Variants in VPS13A observed in about 807,000 individuals in gnomAD.
VPS13A encodes vacuolar protein sorting 13 homolog A, also known as intermembrane lipid transfer protein VPS13A.
A neutral mutation model predicts 390.9 loss-of-function variants in VPS13A; 264 were observed. The ratio of observed to expected loss-of-function variants is 0.68; its 90% CI spans 0.61 to 0.75. VPS13A has a LOEUF of 0.75. Among genes scored for constraint, VPS13A ranks in the 30% least tolerant of loss-of-function variants. The pLI, the probability that VPS13A is intolerant of heterozygous loss-of-function variation, is 0.00. For synonymous variants in VPS13A, 1,231 were observed against 1,227.1 expected, an observed-to-expected ratio of 1.00 and a Z score of -0.07; for missense variants, 3,409 against 3,733.9, an observed-to-expected ratio of 0.91 and a Z score of 2.27.
chr9:77,260,207 CCT>C lies in VPS13A; in HGVS notation c.2411_2412del (p.Pro804ArgfsTer32). ...KPEPVTEVSA[P>X]VKSFQIQTST... ...TGAACCAGTAACTGAAGTATCTGCC[CCT>C]GTCAAATCATTCCAGGTAATGTTAC... On this transcript the variant is annotated frameshift_variant, in exon 23 of 72. Coordinates refer to ENST00000360280, the MANE Select transcript of VPS13A (RefSeq NM_033305.3). LOFTEE classifies it high-confidence loss of function. 7 of 1,613,200 alleles carry C rather than the reference CCT, an allele frequency of 4.3e-6. No homozygotes were observed. The highest frequency in any genetic ancestry group is 1.3e-5 in the African/African-American group (1 of 74,942).
At position 77,317,556 on chromosome 9, in the gene VPS13A, TA is replaced by T. The variant is rs763275666; in HGVS notation, c.4864-49del. The stretch of plus-strand genomic sequence containing the variant: ...TACTAGGAAAGTCTTTAAATAGAAA[TA>T]TTTTTATATTTAAACATTAATTTAG... On this transcript the variant is annotated intron_variant, in intron 39 of 71. Coordinates refer to ENST00000360280, the MANE Select transcript of VPS13A (RefSeq NM_033305.3). The T allele has an allele frequency of 3.0e-6, 4 of 1,347,840 alleles. No homozygotes were observed. The East Asian group carries it at 7.7e-5, about 26-fold the overall frequency. 83.5% of individuals were successfully genotyped at this position (1,347,840 alleles called of 1,614,324 possible). A position where few individuals can be genotyped will look rare whatever the true frequency, so the allele number is the denominator to read the frequency against.
chr9:77,326,211 A>G (rs1830010538), intron 45 of VPS13A, among the ~76,000 whole-genome samples: 1 of 152,004 alleles, frequency 6.6e-6, no homozygotes, highest in African/African-American at 2.4e-5. Context: ...GTTTTGAGCA[A>G]TTTGGTTATG....
At chr9:77,369,529 A>G in intron 63 of VPS13A, 117 bp downstream of exon 63, 1 of 760,400 alleles carries the variant, frequency 1.3e-6, no homozygotes, top group South Asian at 1.4e-5. Context: ...CACACACAAA[A>G]GGACATCATT....
intron 68 of VPS13A, among the ~76,000 whole-genome samples, chr9:77,401,474 G>A (rs1834391767): frequency 6.6e-6 from 1 of 151,928 alleles, no homozygotes; most frequent in Admixed American, 6.6e-5. Flanking sequence ...TTACTCCCCT[G>A]AATAGAGTGG....
intron 1 of VPS13A, among the ~76,000 whole-genome samples, chr9:77,181,515 CAAAAA>C (rs1161800764): frequency 1.2e-5 from 1 of 80,284 alleles, no homozygotes; most frequent in Non-Finnish European, 2.5e-5. Context: ...GACCCTGCCT[CAAAAA>C]AAAAAAAAAA....
At chr9:77,262,212 GA>G (rs1205102951) in intron 23 of VPS13A, among the ~76,000 whole-genome samples, 1 of 151,872 alleles carries the variant, frequency 6.6e-6, no homozygotes, top group Non-Finnish European at 1.5e-5. Flanking sequence ...TTGCCAGGCA[GA>G]AGCGTTTTAT....
At chr9:77,386,435 T>TA (rs1833685112) in intron 68 of VPS13A, among the ~76,000 whole-genome samples, 1 of 152,130 alleles carries the variant, frequency 6.6e-6, no homozygotes, top group Non-Finnish European at 1.5e-5. Flanking sequence ...CTGTGACACT[T>TA]AATTTCATGG....
chr9:77,283,558 G>T lies in VPS13A; in HGVS notation c.3247G>T (p.Glu1083Ter). ...SEIKIEGLDS[E>*]MIMRPSETEI... ...TTTTGTTCCCTTAGGGCTTGATTCTGAGATGATTATGAGGCCTTCAGAAAC... is the reference window on the plus strand; with the variant it reads ...TTTTGTTCCCTTAGGGCTTGATTCTTAGATGATTATGAGGCCTTCAGAAAC... The change falls in exon 31 of 72, where the codon GAG becomes TAG. Residue 1083 changes from glutamate (E) to a stop codon, truncating the protein, a stop_gained. Transcript: ENST00000360280. LOFTEE classifies it high-confidence loss of function. The T allele has an allele frequency of 6.2e-7, 1 of 1,613,464 alleles. No homozygotes were observed. Among genetic ancestry groups the T allele is most frequent in the South Asian group, 1.1e-5 (1 of 91,034 alleles).
intron 24 of VPS13A, among the ~76,000 whole-genome samples, chr9:77,275,079 A>G (rs1826567604): frequency 6.6e-6 from 1 of 152,136 alleles, no homozygotes; most frequent in Non-Finnish European, 1.5e-5. Flanking sequence ...CTAATATTGC[A>G]GAGTTTATAC....
chr9:77,289,476 A>G (rs1309526372), intron 31 of VPS13A, among the ~76,000 whole-genome samples: 3 of 152,096 alleles, frequency 2.0e-5, no homozygotes, highest in Admixed American at 6.6e-5. Flanking sequence ...TTTACAATGT[A>G]TATATCTTTA....
At chr9:77,292,726 T>G (rs1827750814) in intron 31 of VPS13A, among the ~76,000 whole-genome samples, 1 of 152,220 alleles carries the variant, frequency 6.6e-6, no homozygotes, top group Non-Finnish European at 1.5e-5. Context: ...GCTCTGTCCC[T>G]CTTCCAAAAT....
intron 19 of VPS13A, among the ~76,000 whole-genome samples, chr9:77,243,470 G>C (rs1312351904): frequency 6.6e-6 from 1 of 152,062 alleles, no homozygotes; most frequent in African/African-American, 2.4e-5. Context: ...AAGAACTCAA[G>C]GTCTTTCAGG....
At chr9:77,325,401 GTTT>G (rs566722890) in intron 45 of VPS13A, among the ~76,000 whole-genome samples, 5 of 123,404 alleles carry the variant, frequency 4.1e-5, no homozygotes, top group Admixed American at 8.1e-5. Flanking sequence ...GTTAGACCTT[GTTT>G]TTTTTTTTTT....
At position 77,261,194 on chromosome 9, in the gene VPS13A, C is replaced by T. The variant is rs552712708; in HGVS notation, c.2427+970C>T. 4.5e-4 allele frequency among the ~76,000 whole-genome samples: 69 copies of T among 152,126 alleles called. 1 individual carries two copies. The highest frequency in any genetic ancestry group is 8.2e-4 in the Non-Finnish European group (56 of 68,016). On this transcript the variant is annotated intron_variant, in intron 23 of 71. Coordinates refer to ENST00000360280, the MANE Select transcript of VPS13A (RefSeq NM_033305.3). ...GATTACAGGCGTGAACCACCGTGCCCGGCCTGTATTCTTTTATTTTTAAAA... is the reference window on the plus strand; with the variant it reads ...GATTACAGGCGTGAACCACCGTGCCTGGCCTGTATTCTTTTATTTTTAAAA...
At chr9:77,241,815 G>A (rs770126136) in intron 19 of VPS13A, among the ~76,000 whole-genome samples, 8 of 152,206 alleles carry the variant, frequency 5.3e-5, no homozygotes, top group Non-Finnish European at 7.4e-5. Context: ...CCTCCTTGAG[G>A]AATATATCAT....
chr9:77,373,011 C>T (rs1248240533), intron 67 of VPS13A, among the ~76,000 whole-genome samples: 1 of 152,134 alleles, frequency 6.6e-6, no homozygotes, highest in Non-Finnish European at 1.5e-5. Flanking sequence ...GAAGAACATT[C>T]CATGCTCATG....
intron 23 of VPS13A, 149 bp from the exon 24 acceptor site, chr9:77,273,128 ATTT>A: frequency 1.6e-6 from 1 of 618,706 alleles, no homozygotes; most frequent in Non-Finnish European, 2.8e-6. Flanking sequence ...TTTATAATGT[ATTT>A]TTCTAATTTA....
rs1012362282 is a variant in VPS13A, at chr9:77,417,352, G to T, written c.*1346G>T. ...TTTGTTGTAAAAGCTAAAATAAACA[G>T]CATGCTATATTGTAATTGTATTTCT... On this transcript the variant is annotated 3_prime_UTR_variant, in exon 72 of 72. Coordinates refer to ENST00000360280, the MANE Select transcript of VPS13A (RefSeq NM_033305.3). 18 of 152,094 alleles carry T rather than the reference G, an allele frequency of 1.2e-4. No homozygotes were observed. The highest frequency in any genetic ancestry group is 4.3e-4 in the African/African-American group (18 of 41,406). The allele number at this position is 152,094 out of a possible 1,614,324, so 9.4% of individuals were successfully genotyped here.
At chr9:77,388,638 T>C (rs1018783599) in intron 68 of VPS13A, among the ~76,000 whole-genome samples, 6 of 152,194 alleles carry the variant, frequency 3.9e-5, no homozygotes, top group African/African-American at 9.6e-5. Flanking sequence ...TGAATTGTAT[T>C]ATGCTATTCT....
Sources: gnomAD v4.1 joint callset for allele counts (sites outside exome capture counted in the v4.1 genomes callset) on GRCh38, gnomAD v4.1.1 for gene constraint, MANE v1.5 for transcripts, NCBI Gene and HGNC (gene_info 2026-07-23, HGNC 2026-07-21) for gene names.